AGBL4: variants seen among roughly 807,000 people sequenced by gnomAD.
The protein encoded by AGBL4 is AGBL carboxypeptidase 4, also known as cytosolic carboxypeptidase 6.
In AGBL4, 58 loss-of-function variants were observed where a neutral mutation model predicts 66.4. The ratio of observed to expected loss-of-function variants is 0.87; its 90% CI spans 0.71 to 1.09. The LOEUF (loss-of-function observed/expected upper bound fraction) is 1.09. Among genes scored for constraint, AGBL4 ranks in the 50% least tolerant of loss-of-function variants. AGBL4 has a pLI of 0.00. For synonymous variants in AGBL4, 234 were observed against 222.9 expected, an observed-to-expected ratio of 1.05 and a Z score of -0.44; for missense variants, 579 against 631.0, an observed-to-expected ratio of 0.92 and a Z score of 0.88.
chr1:49,804,895 T>C (rs1212235493), intron 2 of AGBL4, among the ~76,000 whole-genome samples: 1 of 152,218 alleles, frequency 6.6e-6, no homozygotes, highest in East Asian at 1.9e-4. Context: ...CTTTGAGGTT[T>C]ATAGCAACAT....
At chr1:48,828,763 A>G (rs1646485624) in intron 6 of AGBL4, among the ~76,000 whole-genome samples, 1 of 152,236 alleles carries the variant, frequency 6.6e-6, no homozygotes, top group African/African-American at 2.4e-5. Context: ...AGCTCTAGTT[A>G]TAACTCAACT....
At position 49,707,928 on chromosome 1, in the gene AGBL4, G is replaced by A. The variant is rs575362108; in HGVS notation, c.158-10491C>T. 2.5e-3 allele frequency among the ~76,000 whole-genome samples: 384 copies of A among 152,260 alleles called. 1 individual carries two copies. The highest frequency in any genetic ancestry group is 8.8e-3 in the African/African-American group (364 of 41,552). On this transcript the variant is annotated intron_variant, in intron 2 of 13. Transcript: ENST00000371839. Reference sequence around the variant, plus strand: ...GTTTCTGCAGAGACATCCCCTGTTAGTCTGATGGGCTTCCTTGTGTAGGTA... The same window carrying A: ...GTTTCTGCAGAGACATCCCCTGTTAATCTGATGGGCTTCCTTGTGTAGGTA...
At chr1:49,027,818 C>T (rs573912427) in intron 5 of AGBL4, among the ~76,000 whole-genome samples, 2 of 152,232 alleles carry the variant, frequency 1.3e-5, no homozygotes, top group Admixed American at 6.5e-5. Context: ...GCCAAATGCC[C>T]TCGGCCCAGC....
intron 4 of AGBL4, among the ~76,000 whole-genome samples, chr1:49,132,280 G>C (rs891169723): frequency 1.3e-5 from 2 of 151,946 alleles, no homozygotes; most frequent in Admixed American, 1.3e-4. Flanking sequence ...AGTTTTATTG[G>C]AGTGGTGGGA....
intron 3 of AGBL4, among the ~76,000 whole-genome samples, chr1:49,662,917 TG>T (rs1646298179): frequency 6.6e-6 from 1 of 152,120 alleles, no homozygotes; most frequent in Admixed American, 6.6e-5. Context: ...ACTGCAAATC[TG>T]TGTAGAAGCT....
chr1:48,760,319 G>A (rs1644187685), intron 6 of AGBL4, among the ~76,000 whole-genome samples: 1 of 152,176 alleles, frequency 6.6e-6, no homozygotes, highest in South Asian at 2.1e-4. Context: ...CCTGACTGGG[G>A]CATGTGTAGG....
chr1:48,526,832 C>T, the AGBL4 span, among the ~76,000 whole-genome samples: 2 of 152,102 alleles, frequency 1.3e-5, no homozygotes, highest in Admixed American at 1.3e-4. Context: ...GATCTAATTG[C>T]CTTGGGCTGT....
chr1:49,350,394 G>A (rs1373215132), intron 3 of AGBL4, among the ~76,000 whole-genome samples: 2 of 151,546 alleles, frequency 1.3e-5, no homozygotes, highest in East Asian at 1.9e-4. Flanking sequence ...TAGTAGAGAC[G>A]GGGTTTCACC....
intron 1 of AGBL4, among the ~76,000 whole-genome samples, chr1:49,892,735 A>G (rs1284952552): frequency 6.6e-6 from 1 of 152,226 alleles, no homozygotes; most frequent in Non-Finnish European, 1.5e-5. Flanking sequence ...GATAAGCTGA[A>G]TAAGTATTAT....
At chr1:48,647,798 C>T (rs980518823) in intron 8 of AGBL4, among the ~76,000 whole-genome samples, 1 of 152,152 alleles carries the variant, frequency 6.6e-6, no homozygotes, top group African/African-American at 2.4e-5. Context: ...TGTGCAAGTG[C>T]TGCAGTGTGT....
intron 4 of AGBL4, among the ~76,000 whole-genome samples, chr1:49,051,781 A>T (rs1269622990): frequency 1.3e-5 from 2 of 152,276 alleles, no homozygotes; most frequent in East Asian, 3.9e-4. Context: ...TGTCACCAGC[A>T]CATCTATTCT....
At chr1:48,594,831 A>C (rs1452077116) in intron 9 of AGBL4, among the ~76,000 whole-genome samples, 1 of 152,062 alleles carries the variant, frequency 6.6e-6, no homozygotes, top group African/African-American at 2.4e-5. Context: ...AATGACAATA[A>C]CTTCCAGACC....
intron 5 of AGBL4, among the ~76,000 whole-genome samples, chr1:48,916,755 T>C (rs1653617037): frequency 6.6e-6 from 1 of 152,198 alleles, no homozygotes; most frequent in Non-Finnish European, 1.5e-5. Context: ...TCTAGCAAAG[T>C]AGCATGAAGC....
intron 5 of AGBL4, among the ~76,000 whole-genome samples, chr1:48,923,457 G>A (rs1265101889): frequency 6.6e-6 from 1 of 152,180 alleles, no homozygotes; most frequent in Non-Finnish European, 1.5e-5. Flanking sequence ...GTGATTCAGT[G>A]GTGGATCTTG....
intron 3 of AGBL4, among the ~76,000 whole-genome samples, chr1:49,406,831 C>T (rs568801033): frequency 4.9e-4 from 74 of 151,586 alleles, no homozygotes; most frequent in African/African-American, 1.2e-3. Flanking sequence ...TTTGGGAGGC[C>T]GAGGTGGGCG....
intron 3 of AGBL4, among the ~76,000 whole-genome samples, chr1:49,441,092 G>A (rs769006684): frequency 4.9e-4 from 75 of 152,158 alleles, no homozygotes; most frequent in African/African-American, 1.6e-3. Flanking sequence ...CCCCCCGCCC[G>A]CCACAACACC....
intron 3 of AGBL4, among the ~76,000 whole-genome samples, chr1:49,470,341 G>T (rs1372826212): frequency 6.6e-6 from 1 of 151,924 alleles, no homozygotes; most frequent in African/African-American, 2.4e-5. Flanking sequence ...TGCTACCCTT[G>T]TAAAATATTC....
intron 6 of AGBL4, among the ~76,000 whole-genome samples, chr1:48,686,185 G>A (rs1369594165): frequency 3.3e-5 from 5 of 152,158 alleles, no homozygotes; most frequent in Non-Finnish European, 5.9e-5. Context: ...TCTTAGCTTA[G>A]TTATTACCGC....
chr1:49,455,226 G>T (rs1646363434), intron 3 of AGBL4, among the ~76,000 whole-genome samples: 1 of 151,616 alleles, frequency 6.6e-6, no homozygotes, highest in Admixed American at 6.6e-5. Flanking sequence ...GGAGAGCACA[G>T]AATTCAGACA....
Sources: gnomAD v4.1 joint callset for allele counts (sites outside exome capture counted in the v4.1 genomes callset) on GRCh38, gnomAD v4.1.1 for gene constraint, MANE v1.5 for transcripts, NCBI Gene and HGNC (gene_info 2026-07-23, HGNC 2026-07-21) for gene names.